Variants in HOOK3 observed in about 807,000 individuals in gnomAD.
HOOK3 encodes hook microtubule tethering protein 3.
Under a neutral mutation model 116.3 loss-of-function variants are expected in HOOK3, and 24 were observed. That is an observed-to-expected ratio of 0.21 (90% CI 0.15 to 0.29). HOOK3 has a LOEUF of 0.29. Ranked by LOEUF, HOOK3 falls within the 10% of genes least tolerant of loss-of-function variation. The pLI, the probability that HOOK3 is intolerant of heterozygous loss-of-function variation, is 1.00. For synonymous variants in HOOK3, 275 were observed against 283.0 expected (o/e 0.97, Z 0.28); for missense variants, 632 against 830.2 (o/e 0.76, Z 2.93).
intron 15 of HOOK3, among the ~76,000 whole-genome samples, chr8:42,987,696 T>C (rs1031426004): frequency 1.3e-5 from 2 of 152,230 alleles, no homozygotes; most frequent in Non-Finnish European, 2.9e-5. Context: ...AACATGGTGC[T>C]ATTCACTCAA....
intron 2 of HOOK3, among the ~76,000 whole-genome samples, chr8:42,918,049 C>T (rs1363537281): frequency 6.6e-6 from 1 of 152,274 alleles, no homozygotes; most frequent in African/African-American, 2.4e-5. Context: ...AAACCAAATA[C>T]GTTTGTTTTG....
chr8:42,971,766 C>T (rs565947720), intron 11 of HOOK3, among the ~76,000 whole-genome samples: 3 of 152,030 alleles, frequency 2.0e-5, no homozygotes, highest in South Asian at 2.1e-4. Flanking sequence ...CTGCAACCTC[C>T]ACCTCCCGGG....
intron 14 of HOOK3, among the ~76,000 whole-genome samples, chr8:42,983,756 G>A (rs527520754): frequency 1.3e-5 from 2 of 152,310 alleles, no homozygotes; most frequent in South Asian, 4.1e-4. Context: ...GATTACAGGT[G>A]TAAGCCGCCG....
chr8:42,939,676 A>C (rs1312911866), intron 4 of HOOK3, among the ~76,000 whole-genome samples: 4 of 145,286 alleles, frequency 2.8e-5, no homozygotes, highest in African/African-American at 1.0e-4. Flanking sequence ...GACGCTCCTC[A>C]CTCCCCAGAC....
intron 2 of HOOK3, among the ~76,000 whole-genome samples, chr8:42,917,175 T>C (rs1238931293): frequency 1.3e-5 from 2 of 152,160 alleles, no homozygotes; most frequent in East Asian, 3.8e-4. Context: ...TAACAGCCAG[T>C]GGAAAAGAAG....
rs186539468 is a variant in HOOK3, at chr8:43,007,623, C to T, written c.1656-224C>T. Reference sequence around the variant, plus strand: ...ATGTATACCCTCTCTTTATGCAGGTCTATCTAAACTAAATGACTACTTTTT... The same window carrying T: ...ATGTATACCCTCTCTTTATGCAGGTTTATCTAAACTAAATGACTACTTTTT... On this transcript the variant is annotated intron_variant, in intron 17 of 21. Transcript: ENST00000307602. Among the ~76,000 whole-genome samples the T allele has an allele frequency of 1.3e-3, 195 of 152,272 alleles. 7 individuals carry two copies. Among genetic ancestry groups the T allele is most frequent in the Admixed American group, 0.013 (194 of 15,292 alleles).
In HOOK3 at chr8:43,021,347, A is replaced by G; in HGVS notation, c.*2849A>G. 5.5e-6 allele frequency: 1 copy of G among 181,902 alleles called. No individual in the cohort carries two copies. The highest frequency in any genetic ancestry group is 1.2e-5 in the Non-Finnish European group (1 of 86,170). The allele number at this position is 181,902 out of a possible 1,614,324, so 11.3% of individuals were successfully genotyped here. A position where few individuals can be genotyped will look rare whatever the true frequency, so the allele number is the denominator to read the frequency against. ...GAGACGGAGCCTCGTTCCGTCACCC[A>G]GGCTGTAGTGCCGTGGCATGATCTC... On this transcript the variant is annotated 3_prime_UTR_variant, in exon 22 of 22. Coordinates refer to ENST00000307602, the MANE Select transcript of HOOK3 (RefSeq NM_032410.4).
At chr8:42,978,319 C>T (rs1327158323) in intron 13 of HOOK3, among the ~76,000 whole-genome samples, 1 of 151,832 alleles carries the variant, frequency 6.6e-6, no homozygotes, top group African/African-American at 2.4e-5. Context: ...CTCGGCCTTG[C>T]TGCAACCTCT....
At chr8:42,945,669 T>G (rs939567891) in intron 5 of HOOK3, among the ~76,000 whole-genome samples, 14 of 152,196 alleles carry the variant, frequency 9.2e-5, no homozygotes, top group African/African-American at 2.7e-4. Flanking sequence ...TTTGTGAACT[T>G]TAAGGTAGCC....
chr8:42,997,678 C>A, intron 16 of HOOK3, 41 bp downstream of exon 16: 1 of 1,047,752 alleles, frequency 9.5e-7, no homozygotes, highest in Non-Finnish European at 1.5e-6. Context: ...ATCAGTTTCA[C>A]AATGTTGAGA....
In HOOK3 at chr8:43,013,373, A is replaced by G; in HGVS notation, c.1989A>G (p.Lys663=). ...KTKSQREMEE[K]YIVSAWYNMG... The stretch of plus-strand genomic sequence containing the variant: ...AGAGTCAGAGAGAGATGGAAGAGAA[A>G]TATATTGTTAGTGCCTGGTACAATA... The change falls in exon 21 of 22, where the codon AAA becomes AAG. Residue 663 remains lysine, a synonymous_variant. Transcript: ENST00000307602. 6.3e-7 allele frequency: 1 copy of G among 1,585,952 alleles called. No homozygotes were observed. The highest frequency in any genetic ancestry group is 8.5e-7 in the Non-Finnish European group (1 of 1,170,140).
intron 19 of HOOK3, 150 bp from the exon 20 acceptor site, chr8:43,012,901 C>T (rs894792118): frequency 6.2e-5 from 33 of 532,332 alleles, no homozygotes; most frequent in Non-Finnish European, 8.9e-5. Context: ...CACTCCAGGC[C>T]GCATTTACTT....
At chr8:42,921,165 T>G (rs1351444626) in intron 2 of HOOK3, among the ~76,000 whole-genome samples, 3 of 152,204 alleles carry the variant, frequency 2.0e-5, no homozygotes, top group South Asian at 2.1e-4. Flanking sequence ...TTTAAAGTTT[T>G]TTTTTTTTTT....
At chr8:42,899,238 G>A (rs1807132888) in intron 1 of HOOK3, among the ~76,000 whole-genome samples, 1 of 152,210 alleles carries the variant, frequency 6.6e-6, no homozygotes, top group South Asian at 2.1e-4. Flanking sequence ...AATCTATTTA[G>A]AATCTCCTAA....
intron 6 of HOOK3, among the ~76,000 whole-genome samples, chr8:42,956,692 C>G (rs1261000881): frequency 6.6e-6 from 1 of 152,192 alleles, no homozygotes. Context: ...TCAAGTGATT[C>G]TACTGCCTCA....
intron 15 of HOOK3, among the ~76,000 whole-genome samples, chr8:42,990,416 C>T (rs560031037): frequency 7.4e-6 from 1 of 134,948 alleles, no homozygotes; most frequent in South Asian, 2.5e-4. Context: ...TCACAGCTCA[C>T]TGCAGCCTTG....
In HOOK3 at chr8:43,027,545, C is replaced by A; in HGVS notation, c.*9047C>A. Reference sequence around the variant, plus strand: ...GAGAGCAACGCTGGAATAGAGAAGTCTAGACCCTGGCCTTTGAGGGAAAGG... The same window carrying A: ...GAGAGCAACGCTGGAATAGAGAAGTATAGACCCTGGCCTTTGAGGGAAAGG... On this transcript the variant is annotated 3_prime_UTR_variant, in exon 22 of 22. Transcript: ENST00000307602. 3.5e-6 allele frequency: 1 copy of A among 285,992 alleles called. No homozygotes were observed. Among genetic ancestry groups the A allele is most frequent in the South Asian group, 4.2e-5 (1 of 23,848 alleles). 17.7% of individuals were successfully genotyped at this position (285,992 alleles called of 1,614,324 possible).
At chr8:42,946,668 T>C (rs1489367042) in intron 5 of HOOK3, among the ~76,000 whole-genome samples, 2 of 152,076 alleles carry the variant, frequency 1.3e-5, no homozygotes, top group African/African-American at 4.8e-5. Context: ...AAGTTATGAC[T>C]AATTTTATTG....
At chr8:42,914,202 C>A (rs946192300) in intron 2 of HOOK3, among the ~76,000 whole-genome samples, 4 of 152,110 alleles carry the variant, frequency 2.6e-5, no homozygotes, top group African/African-American at 9.7e-5. Flanking sequence ...CATTCTCTGC[C>A]CTTCATTGTT....
Sources: gnomAD v4.1 joint callset for allele counts (sites outside exome capture counted in the v4.1 genomes callset) on GRCh38, gnomAD v4.1.1 for gene constraint, MANE v1.5 for transcripts, NCBI Gene and HGNC (gene_info 2026-07-23, HGNC 2026-07-21) for gene names.